OPCML: variants seen among roughly 807,000 people sequenced by gnomAD.
OPCML encodes opioid-binding protein/cell adhesion molecule.
A neutral mutation model predicts 37.8 loss-of-function variants in OPCML; 13 were observed. That is an observed-to-expected ratio of 0.34 (90% confidence interval 0.22 to 0.55). The LOEUF is 0.55. OPCML is among the 20% of genes least tolerant of loss of function. The pLI is 0.91. For missense variants in OPCML, 341 were observed against 435.6 expected (o/e 0.78, Z 1.93); for synonymous variants, 176 against 168.8 (o/e 1.04, Z -0.33).
chr11:132,913,870 C>T (rs1944512960), intron 2 of OPCML, among the ~76,000 whole-genome samples: 1 of 152,206 alleles, frequency 6.6e-6, no homozygotes. Context: ...AGAAGGTGGG[C>T]TACATAGCAC....
At chr11:132,932,129 T>C (rs1045351021) in intron 2 of OPCML, among the ~76,000 whole-genome samples, 2 of 152,048 alleles carry the variant, frequency 1.3e-5, no homozygotes, top group African/African-American at 4.8e-5. Context: ...AGTAATAGAA[T>C]AGTAGTTTCC....
intron 2 of OPCML, among the ~76,000 whole-genome samples, chr11:132,765,106 T>G (rs905675891): frequency 6.6e-6 from 1 of 152,174 alleles, no homozygotes; most frequent in Admixed American, 6.5e-5. Flanking sequence ...AGGATCTAGA[T>G]ATGATGATGG....
chr11:132,794,508 T>C (rs779305340), intron 2 of OPCML, among the ~76,000 whole-genome samples: 1 of 152,106 alleles, frequency 6.6e-6, no homozygotes, highest in Non-Finnish European at 1.5e-5. Flanking sequence ...TACCTCAGGG[T>C]TCCTCACTGG....
intron 4 of OPCML, among the ~76,000 whole-genome samples, chr11:132,481,149 C>A (rs1160672406): frequency 3.9e-5 from 6 of 152,070 alleles, no homozygotes; most frequent in South Asian, 2.1e-4. Context: ...AGAGTCAAGA[C>A]CCATCAGTGT....
chr11:133,349,443 A>G (rs1021762018), intron 1 of OPCML, among the ~76,000 whole-genome samples: 1 of 152,150 alleles, frequency 6.6e-6, no homozygotes, highest in African/African-American at 2.4e-5. Flanking sequence ...CATTTTAAAA[A>G]CTGTAAATGG....
chr11:132,741,029 A>G (rs1945418886), intron 2 of OPCML, among the ~76,000 whole-genome samples: 1 of 152,232 alleles, frequency 6.6e-6, no homozygotes, highest in Non-Finnish European at 1.5e-5. Flanking sequence ...ACTGGGTGCC[A>G]GCATGGGTGA....
intron 1 of OPCML, among the ~76,000 whole-genome samples, chr11:133,153,689 C>CT (rs1309426266): frequency 6.6e-6 from 1 of 152,072 alleles, no homozygotes; most frequent in Non-Finnish European, 1.5e-5. Flanking sequence ...CACCAGGCAC[C>CT]TTTTTCCCTG....
rs144749363 is a variant in OPCML at position 132,812,535 on chromosome 11, G to A, written c.146+130391C>T. ...CAAGACTATTAGAGACAGCAATTAG[G>A]AGGTTATTGGAAATGTTTTAAAGTG... On this transcript the variant is annotated intron_variant, in intron 2 of 7. Coordinates refer to ENST00000524381, the MANE Select transcript of OPCML (RefSeq NM_001012393.5). Among the ~76,000 whole-genome samples the A allele has an allele frequency of 1.1e-4, 17 of 152,268 alleles. No individual in the cohort carries two copies. In the East Asian group the frequency reaches 3.1e-3, roughly 28 times the overall value.
At chr11:132,653,367 T>A (rs898548918) in intron 3 of OPCML, among the ~76,000 whole-genome samples, 3 of 151,946 alleles carry the variant, frequency 2.0e-5, no homozygotes, top group Admixed American at 1.3e-4. Flanking sequence ...GGGATGGGAG[T>A]CACTCCTGCC....
At chr11:132,809,796 C>T (rs529858479) in intron 2 of OPCML, among the ~76,000 whole-genome samples, 12 of 152,196 alleles carry the variant, frequency 7.9e-5, no homozygotes, top group Non-Finnish European at 1.5e-4. Context: ...CCACCTCTTA[C>T]AGTGCTGCAG....
At chr11:133,031,201 G>A (rs953971105) in intron 1 of OPCML, among the ~76,000 whole-genome samples, 1 of 152,178 alleles carries the variant, frequency 6.6e-6, no homozygotes, top group Non-Finnish European at 1.5e-5. Flanking sequence ...ATGAATGGAT[G>A]GGTGGGTGGA....
intron 2 of OPCML, among the ~76,000 whole-genome samples, chr11:132,869,839 G>T (rs1459731019): frequency 1.3e-5 from 2 of 152,260 alleles, no homozygotes; most frequent in East Asian, 3.9e-4. Context: ...GGCTGTACTG[G>T]CAGGTCTGAG....
At chr11:133,063,960 G>A (rs935531436) in intron 1 of OPCML, among the ~76,000 whole-genome samples, 6 of 152,210 alleles carry the variant, frequency 3.9e-5, no homozygotes, top group African/African-American at 9.6e-5. Flanking sequence ...GCTGTCAGCC[G>A]GGATTGATCA....
chr11:133,057,121 G>A (rs1948255126), intron 1 of OPCML, among the ~76,000 whole-genome samples: 1 of 152,232 alleles, frequency 6.6e-6, no homozygotes, highest in Admixed American at 6.5e-5. Flanking sequence ...GGGATTACAG[G>A]CGTGAGCTGC....
chr11:132,994,902 ACC>A (rs1946853516), intron 1 of OPCML, among the ~76,000 whole-genome samples: 1 of 152,160 alleles, frequency 6.6e-6, no homozygotes, highest in African/African-American at 2.4e-5. Context: ...TGTGCACAGC[ACC>A]CCTAGGAGTT....
At chr11:132,597,034 A>C (rs2096493487) in intron 3 of OPCML, among the ~76,000 whole-genome samples, 1 of 152,216 alleles carries the variant, frequency 6.6e-6, no homozygotes, top group Non-Finnish European at 1.5e-5. Context: ...TGTAGACAGC[A>C]AATAGCATTT....
At chr11:132,814,862 C>T (rs541668775) in intron 2 of OPCML, among the ~76,000 whole-genome samples, 1 of 152,218 alleles carries the variant, frequency 6.6e-6, no homozygotes, top group East Asian at 1.9e-4. Context: ...GGCAAGTGTT[C>T]TCATTAGTGT....
chr11:133,053,742 C>A (rs927266500), intron 1 of OPCML, among the ~76,000 whole-genome samples: 1 of 152,166 alleles, frequency 6.6e-6, no homozygotes, highest in African/African-American at 2.4e-5. Flanking sequence ...TCATCCAGAT[C>A]AGCTCTCCCT....
At chr11:132,899,901 T>C (rs969732139) in intron 2 of OPCML, among the ~76,000 whole-genome samples, 4 of 152,108 alleles carry the variant, frequency 2.6e-5, no homozygotes, top group African/African-American at 9.7e-5. Context: ...CTGTGGATTC[T>C]AGGACTTAGC....
Sources: allele counts gnomAD v4.1 joint callset (sites outside exome capture counted in the v4.1 genomes callset), GRCh38; gene constraint gnomAD v4.1.1; transcripts MANE v1.5; gene names NCBI Gene and HGNC (gene_info 2026-07-23, HGNC 2026-07-21).